The following ERGIC2 variants were observed in gnomAD, a reference collection of about 807,000 sequenced individuals.
ERGIC2 encodes ERGIC and golgi 2, also known as endoplasmic reticulum-Golgi intermediate compartment protein 2.
Under a neutral mutation model 52.5 loss-of-function variants are expected in ERGIC2, and 31 were observed. That is an observed-to-expected ratio of 0.59 (90% CI 0.44 to 0.80). The LOEUF is 0.80. ERGIC2 is among the 30% of genes least tolerant of loss of function. The pLI, the probability that ERGIC2 is intolerant of heterozygous loss-of-function variation, is 0.00. For missense variants in ERGIC2, 395 were observed against 455.2 expected, an observed-to-expected ratio of 0.87 and a Z score of 1.20; for synonymous variants, 129 against 140.6, an observed-to-expected ratio of 0.92 and a Z score of 0.58.
chr12:29,342,423 G>A lies in ERGIC2; in HGVS notation c.989-607C>T, dbSNP rs552356192. Among the ~76,000 whole-genome samples, 226 of 152,212 alleles carry A rather than the reference G, an allele frequency of 1.5e-3. 1 individual carries two copies. The highest frequency in any genetic ancestry group is 5.0e-3 in the African/African-American group (208 of 41,554). On this transcript the variant is annotated intron_variant, in intron 12 of 13. Coordinates refer to ENST00000360150, the MANE Select transcript of ERGIC2 (RefSeq NM_016570.3). The stretch of plus-strand genomic sequence containing the variant: ...AAATGAAGCACTAACAAAGAATTTC[G>A]AAAGAAAAGCTATTCATTCATTTAA...
intron 1 of ERGIC2, among the ~76,000 whole-genome samples, chr12:29,374,121 T>C (rs1000202987): frequency 1.3e-5 from 2 of 152,180 alleles, no homozygotes; most frequent in Non-Finnish European, 2.9e-5. Context: ...CTTAAAAGAA[T>C]GAGTTGTCCC....
chr12:29,374,683 T>C (rs1338434456), intron 1 of ERGIC2, among the ~76,000 whole-genome samples: 1 of 152,178 alleles, frequency 6.6e-6, no homozygotes, highest in Non-Finnish European at 1.5e-5. Flanking sequence ...GAAACATGGG[T>C]TATATCTTTA....
chr12:29,365,920 T>C (rs1940355820), intron 5 of ERGIC2, among the ~76,000 whole-genome samples: 1 of 152,004 alleles, frequency 6.6e-6, no homozygotes. Context: ...TTACTGTTTC[T>C]GTAGAAATTT....
intron 1 of ERGIC2, among the ~76,000 whole-genome samples, chr12:29,378,171 A>T (rs1005688356): frequency 6.6e-6 from 1 of 152,224 alleles, no homozygotes; most frequent in African/African-American, 2.4e-5. Context: ...TAAGAAGGCC[A>T]TGTGAAGACA....
At chr12:29,357,903 A>T (rs555785651) in intron 6 of ERGIC2, among the ~76,000 whole-genome samples, 179 bp from the exon 7 acceptor site, 25 of 152,348 alleles carry the variant, frequency 1.6e-4, no homozygotes, top group Non-Finnish European at 3.7e-4. Context: ...CAAATGAGGC[A>T]GGGTGGCTAA....
Position 29,343,283 on chromosome 12 carries a change from C to T in ERGIC2, c.826-1G>A. 6.4e-7 allele frequency: 1 copy of T among 1,572,076 alleles called. No homozygotes were observed. Among genetic ancestry groups the T allele is most frequent in the Non-Finnish European group, 8.6e-7 (1 of 1,157,420 alleles). On this transcript the variant is annotated splice_acceptor_variant, in intron 11 of 13. Coordinates refer to ENST00000360150, the MANE Select transcript of ERGIC2 (RefSeq NM_016570.3). LOFTEE classifies it high-confidence loss of function. ...CTGCAGCATGGTTAATGATACGTTCCTAAAAGGGAGGCAAAAGGAAGGGGA... is the reference window on the plus strand; with the variant it reads ...CTGCAGCATGGTTAATGATACGTTCTTAAAAGGGAGGCAAAAGGAAGGGGA...
At chr12:29,344,788 T>G (rs1940023657) in intron 11 of ERGIC2, among the ~76,000 whole-genome samples, 1 of 152,144 alleles carries the variant, frequency 6.6e-6, no homozygotes, top group Admixed American at 6.5e-5. Context: ...GCCTTAGAAT[T>G]CTTCTGGATA....
intron 5 of ERGIC2, among the ~76,000 whole-genome samples, chr12:29,362,416 A>C (rs1940299757): frequency 6.6e-6 from 1 of 152,068 alleles, no homozygotes; most frequent in Non-Finnish European, 1.5e-5. Context: ...CCTCTACTAA[A>C]ATACAAAAAA....
At chr12:29,342,869 A>T (rs1949849204) in intron 12 of ERGIC2, among the ~76,000 whole-genome samples, 1 of 152,234 alleles carries the variant, frequency 6.6e-6, no homozygotes, top group Non-Finnish European at 1.5e-5. Context: ...ATTCAATTCT[A>T]CTTCAATCTG....
chr12:29,371,661 T>G lies in ERGIC2; in HGVS notation c.-28A>C, dbSNP rs369771509. The G allele has an allele frequency of 4.6e-4, 628 of 1,374,718 alleles. No individual in the cohort carries two copies. The highest frequency in any genetic ancestry group is 6.2e-4 in the Non-Finnish European group (599 of 963,284). The allele number at this position is 1,374,718 out of a possible 1,614,324, so 85.2% of individuals were successfully genotyped here. On this transcript the variant is annotated 5_prime_UTR_variant, in exon 2 of 14. It removes an upstream start codon present in the reference 5' UTR. Coordinates refer to ENST00000360150, the MANE Select transcript of ERGIC2 (RefSeq NM_016570.3). The stretch of plus-strand genomic sequence containing the variant: ...TCAGGAAAACCTTCCTCTTCCTTCA[T>G]ATAGTCATGCTAAGGAATAAATAAA...
rs1012609519 is a variant in ERGIC2, at chr12:29,338,541, G to C, written c.*2615C>G. The C allele has an allele frequency of 1.3e-5, 2 of 152,190 alleles. No homozygotes were observed. The highest frequency in any genetic ancestry group is 6.5e-5 in the Admixed American group (1 of 15,278). The allele number at this position is 152,190 out of a possible 1,614,324, so 9.4% of individuals were successfully genotyped here. A position where few individuals can be genotyped will look rare whatever the true frequency, so the allele number is the denominator to read the frequency against. On this transcript the variant is annotated 3_prime_UTR_variant, in exon 14 of 14. Coordinates refer to ENST00000360150, the MANE Select transcript of ERGIC2 (RefSeq NM_016570.3). Reference sequence around the variant, plus strand: ...TGGCTGTAGTCCTACCTACTCAGCAGATGGAAGCAGGAGGATTGCTTGAAC... The same window carrying C: ...TGGCTGTAGTCCTACCTACTCAGCACATGGAAGCAGGAGGATTGCTTGAAC...
chr12:29,341,036 A>ATAAG lies in ERGIC2; in HGVS notation c.*116_*119dup. The ATAAG allele has an allele frequency of 6.6e-6, 5 of 752,070 alleles. No homozygotes were observed. The highest frequency in any genetic ancestry group is 1.1e-5 in the Non-Finnish European group (5 of 453,660). 46.6% of individuals were successfully genotyped at this position (752,070 alleles called of 1,614,324 possible). On this transcript the variant is annotated 3_prime_UTR_variant, in exon 14 of 14. Coordinates refer to ENST00000360150, the MANE Select transcript of ERGIC2 (RefSeq NM_016570.3). ...TTTATCCTTTTTTTTCTTTTTTAAAATAAGTATGTTTTCTGCTTATTTGTG... is the reference window on the plus strand; with the variant it reads ...TTTATCCTTTTTTTTCTTTTTTAAAATAAGTAAGTATGTTTTCTGCTTATTTGTG...
At chr12:29,365,069 G>A (rs79291944) in intron 5 of ERGIC2, among the ~76,000 whole-genome samples, 1,645 of 151,824 alleles carry the variant, frequency 0.011, 27 homozygotes, top group African/African-American at 0.038. Context: ...CTCAAAGAAC[G>A]TAGAGTATTA....
chr12:29,369,211 C>T (rs927565250), intron 3 of ERGIC2, among the ~76,000 whole-genome samples: 1 of 151,850 alleles, frequency 6.6e-6, no homozygotes, highest in African/African-American at 2.4e-5. Context: ...CATATCCTCA[C>T]CATGCTTATG....
At chr12:29,379,918 T>G (rs772243478) in intron 1 of ERGIC2, among the ~76,000 whole-genome samples, 6 of 152,228 alleles carry the variant, frequency 3.9e-5, no homozygotes, top group African/African-American at 7.2e-5. Context: ...TGTGGGTGGT[T>G]GTTGTTGTTT....
rs1340200899 is a variant in ERGIC2 at position 29,340,977 on chromosome 12, G to A, written c.*179C>T. On this transcript the variant is annotated 3_prime_UTR_variant, in exon 14 of 14. Transcript: ENST00000360150. Reference sequence around the variant, plus strand: ...GATTTCTTCTACGACATTTGTAACAGACACAACGTATATAGAATTTCAGTT... The same window carrying A: ...GATTTCTTCTACGACATTTGTAACAAACACAACGTATATAGAATTTCAGTT... The A allele has an allele frequency of 8.3e-6, 5 of 605,578 alleles. No individual in the cohort carries two copies. Among genetic ancestry groups the A allele is most frequent in the East Asian group, 3.1e-5 (1 of 32,346 alleles). 37.5% of individuals were successfully genotyped at this position (605,578 alleles called of 1,614,324 possible).
intron 1 of ERGIC2, among the ~76,000 whole-genome samples, chr12:29,377,834 T>C (rs569799617): frequency 6.6e-6 from 1 of 152,354 alleles, no homozygotes; most frequent in South Asian, 2.1e-4. Context: ...TCATGAACTT[T>C]TTATAGTCTG....
At chr12:29,344,449 G>A (rs947533107) in intron 11 of ERGIC2, among the ~76,000 whole-genome samples, 1 of 152,086 alleles carries the variant, frequency 6.6e-6, no homozygotes, top group African/African-American at 2.4e-5. Context: ...CAATCTTACA[G>A]GTGAGAAATG....
intron 1 of ERGIC2, among the ~76,000 whole-genome samples, chr12:29,379,436 A>C (rs575913925): frequency 6.2e-4 from 94 of 152,326 alleles, no homozygotes; most frequent in African/African-American, 2.1e-3. Flanking sequence ...ATGGGAGTTT[A>C]AGGACACATT....
Sources: gnomAD v4.1 joint callset for allele counts (sites outside exome capture counted in the v4.1 genomes callset) on GRCh38, gnomAD v4.1.1 for gene constraint, MANE v1.5 for transcripts, NCBI Gene and HGNC (gene_info 2026-07-23, HGNC 2026-07-21) for gene names.